The following EPHA6 variants were observed in gnomAD, a reference collection of about 807,000 sequenced individuals.
The protein encoded by EPHA6 is EPH receptor A6, also known as ephrin type-A receptor 6.
Under a neutral mutation model 112.0 loss-of-function variants are expected in EPHA6, and 50 were observed. The ratio of observed to expected loss-of-function variants is 0.45; its 90% CI spans 0.36 to 0.56. EPHA6 has a LOEUF of 0.56. Ranked by LOEUF, EPHA6 falls within the 20% of genes least tolerant of loss-of-function variation. The pLI, the probability that EPHA6 is intolerant of heterozygous loss-of-function variation, is 0.00. For missense variants in EPHA6, 1,280 were observed against 1,417.4 expected (o/e 0.90, Z 1.56); for synonymous variants, 529 against 490.7 (o/e 1.08, Z -1.03).
chr3:97,520,257 G>A lies in EPHA6; in HGVS notation c.2201-12101G>A, dbSNP rs191715202. ...GCTGGGATTACAGGTGTGAACCACC[G>A]CACCCAGCTGTAGTGGTAGTAATTG... On this transcript the variant is annotated intron_variant, in intron 10 of 17. Coordinates refer to ENST00000389672, the MANE Select transcript of EPHA6 (RefSeq NM_001080448.3). 1.5e-3 allele frequency among the ~76,000 whole-genome samples: 227 copies of A among 152,194 alleles called. 3 individuals carry two copies. Among genetic ancestry groups the A allele is most frequent in the Admixed American group, 2.9e-3 (45 of 15,298 alleles).
intron 10 of EPHA6, among the ~76,000 whole-genome samples, chr3:97,498,227 A>G (rs2092028213): frequency 6.6e-6 from 1 of 150,728 alleles, no homozygotes; most frequent in East Asian, 2.0e-4. Context: ...ATTATAACTG[A>G]TTGGTTGTAA....
At chr3:96,979,660 CCCA>C (rs1363249021) in intron 2 of EPHA6, among the ~76,000 whole-genome samples, 1 of 152,116 alleles carries the variant, frequency 6.6e-6, no homozygotes, top group African/African-American at 2.4e-5. Flanking sequence ...AGTTTACAGA[CCCA>C]CCAACAGTGT....
intron 3 of EPHA6, among the ~76,000 whole-genome samples, chr3:97,049,477 G>T (rs1008857550): frequency 6.6e-6 from 1 of 152,182 alleles, no homozygotes; most frequent in African/African-American, 2.4e-5. Flanking sequence ...GTATCATGTT[G>T]AGTTGTAAGT....
At chr3:97,087,273 G>A (rs1056131473) in intron 3 of EPHA6, among the ~76,000 whole-genome samples, 3 of 152,220 alleles carry the variant, frequency 2.0e-5, no homozygotes, top group African/African-American at 2.4e-5. Context: ...ACCTTGATGG[G>A]GATGTTGTGT....
chr3:96,899,886 T>G (rs2038508575), intron 2 of EPHA6, among the ~76,000 whole-genome samples: 1 of 152,124 alleles, frequency 6.6e-6, no homozygotes, highest in South Asian at 2.1e-4. Flanking sequence ...ATTCACACTT[T>G]AGATGTGACC....
chr3:97,180,102 A>C (rs1422381876), intron 3 of EPHA6, among the ~76,000 whole-genome samples: 2 of 151,980 alleles, frequency 1.3e-5, no homozygotes, highest in African/African-American at 2.4e-5. Context: ...CACTTAAATC[A>C]CGAAATGCAG....
At chr3:96,962,203 T>C (rs2041969478) in intron 2 of EPHA6, among the ~76,000 whole-genome samples, 2 of 151,816 alleles carry the variant, frequency 1.3e-5, no homozygotes, top group South Asian at 4.2e-4. Flanking sequence ...TCCTGAAAGG[T>C]CTAAGGAAAT....
intron 5 of EPHA6, among the ~76,000 whole-genome samples, chr3:97,328,152 A>G (rs1357444956): frequency 6.6e-6 from 1 of 150,640 alleles, no homozygotes; most frequent in Non-Finnish European, 1.5e-5. Flanking sequence ...ACAAAAAAAC[A>G]GCTATGTACA....
At chr3:97,506,240 G>A (rs764256969) in intron 10 of EPHA6, among the ~76,000 whole-genome samples, 6 of 152,074 alleles carry the variant, frequency 3.9e-5, no homozygotes, top group African/African-American at 9.7e-5. Flanking sequence ...TGGTGTTTTC[G>A]TCATGAAGTC....
At chr3:97,418,178 ACAGT>A (rs2088291535) in intron 6 of EPHA6, among the ~76,000 whole-genome samples, 2 of 151,380 alleles carry the variant, frequency 1.3e-5, no homozygotes, top group African/African-American at 4.8e-5. Context: ...AAATAGATAC[ACAGT>A]CATACACTAT....
intron 5 of EPHA6, among the ~76,000 whole-genome samples, chr3:97,292,251 G>T (rs542800593): frequency 3.9e-4 from 59 of 152,366 alleles, no homozygotes; most frequent in Non-Finnish European, 7.5e-4. Context: ...CAGAGCCCTG[G>T]CTCAGGGAGC....
chr3:97,758,370 C>G lies in EPHA6; in HGVS notation c.*9669C>G, dbSNP rs2036076312. Among the ~76,000 whole-genome samples the G allele has an allele frequency of 6.6e-6, 1 of 151,906 alleles. No homozygotes were observed. Among genetic ancestry groups the G allele is most frequent in the African/African-American group, 2.4e-5 (1 of 41,400 alleles). ...ATAACAAATATAACCGTAGCAACAA[C>G]AAATTAAAGGAGATCATGTCTCCTT... is the stretch of plus-strand genomic sequence containing the variant. On this transcript the variant is annotated 3_prime_UTR_variant, in exon 18 of 18. Coordinates refer to ENST00000389672, the MANE Select transcript of EPHA6 (RefSeq NM_001080448.3).
At chr3:97,072,482 G>A (rs1030960069) in intron 3 of EPHA6, among the ~76,000 whole-genome samples, 7 of 152,144 alleles carry the variant, frequency 4.6e-5, no homozygotes, top group East Asian at 1.9e-4. Context: ...TATCACAGCC[G>A]TTAGAAGGCA....
chr3:97,559,529 A>T, intron 11 of EPHA6: 1 of 417,266 alleles, frequency 2.4e-6, no homozygotes, highest in South Asian at 1.7e-5. Flanking sequence ...AGAGTGACTG[A>T]GTGGAGGAAT....
At chr3:97,646,005 T>A in intron 14 of EPHA6, 4 of 723,528 alleles carry the variant, frequency 5.5e-6, no homozygotes, top group Non-Finnish European at 8.0e-6. Context: ...GAGAGGTTTG[T>A]AATCTTCAAG....
At chr3:96,934,710 T>G (rs1043773951) in intron 2 of EPHA6, among the ~76,000 whole-genome samples, 5 of 151,382 alleles carry the variant, frequency 3.3e-5, no homozygotes, top group African/African-American at 1.2e-4. Flanking sequence ...TATATAAAAT[T>G]ATAAACTAAG....
chr3:97,197,431 G>T (rs1222558125), intron 3 of EPHA6, among the ~76,000 whole-genome samples: 1 of 151,832 alleles, frequency 6.6e-6, no homozygotes, highest in Non-Finnish European at 1.5e-5. Context: ...CAAGGTGGTG[G>T]GTTCTCTTCT....
intron 1 of EPHA6, among the ~76,000 whole-genome samples, chr3:96,857,728 T>C (rs1018465156): frequency 6.6e-6 from 1 of 151,344 alleles, no homozygotes; most frequent in Non-Finnish European, 1.5e-5. Flanking sequence ...GCAGTATTAC[T>C]TACTAAACTA....
intron 14 of EPHA6, among the ~76,000 whole-genome samples, chr3:97,651,670 C>T (rs555942755): frequency 2.0e-5 from 3 of 151,920 alleles, no homozygotes; most frequent in Non-Finnish European, 4.4e-5. Flanking sequence ...TTGTCTAATT[C>T]AGAGAAACTC....
Sources: gnomAD v4.1 joint callset for allele counts (sites outside exome capture counted in the v4.1 genomes callset) on GRCh38, gnomAD v4.1.1 for gene constraint, MANE v1.5 for transcripts, NCBI Gene and HGNC (gene_info 2026-07-23, HGNC 2026-07-21) for gene names.